ATF7IP: variants seen among roughly 807,000 people sequenced by gnomAD.
The protein encoded by ATF7IP is activating transcription factor 7-interacting protein 1.
A neutral mutation model predicts 106.4 loss-of-function variants in ATF7IP; 23 were observed. That is an observed-to-expected ratio of 0.22 (90% confidence interval 0.16 to 0.31). ATF7IP has a LOEUF of 0.31. Ranked by LOEUF, ATF7IP falls within the 10% of genes least tolerant of loss-of-function variation. The probability of loss-of-function intolerance (pLI) is 1.00; values close to 1 mark genes in which losing one functional copy is unlikely to be tolerated. For missense variants in ATF7IP, 1,334 were observed against 1,524.3 expected, an observed-to-expected ratio of 0.88 and a Z score of 2.08; for synonymous variants, 542 against 539.0, an observed-to-expected ratio of 1.01 and a Z score of -0.08.
At chr12:14,409,847 G>A (rs1217061067) in intron 1 of ATF7IP, among the ~76,000 whole-genome samples, 1 of 152,058 alleles carries the variant, frequency 6.6e-6, no homozygotes, top group African/African-American at 2.4e-5. Context: ...GTGTGACCCA[G>A]TAAAGGGGTT....
At chr12:14,495,566 A>G (rs10744064) in intron 13 of ATF7IP, among the ~76,000 whole-genome samples, 152,110 of 152,320 alleles carry the variant, frequency 1, 75,951 homozygotes, top group Non-Finnish European at 1. Context: ...AATGGCAGGA[A>G]TATAGTTAGG....
At chr12:14,419,844 A>G (rs1463507512) in intron 1 of ATF7IP, 4 of 152,154 alleles carry the variant, frequency 2.6e-5, no homozygotes, top group Non-Finnish European at 4.4e-5. Flanking sequence ...ATTTTTCTAA[A>G]TAGTTGATTT....
chr12:14,496,528 C>T (rs1481842283), intron 14 of ATF7IP, among the ~76,000 whole-genome samples, 185 bp downstream of exon 14: 1 of 152,134 alleles, frequency 6.6e-6, no homozygotes. Flanking sequence ...GGATGATGAT[C>T]ATTTAGAATC....
intron 1 of ATF7IP, among the ~76,000 whole-genome samples, chr12:14,373,987 G>A (rs1029985460): frequency 6.6e-6 from 1 of 151,752 alleles, no homozygotes; most frequent in African/African-American, 2.4e-5. Flanking sequence ...TAGATGAATC[G>A]AGTGACAATT....
intron 1 of ATF7IP, among the ~76,000 whole-genome samples, chr12:14,403,970 G>A (rs1002814638): frequency 2.0e-5 from 3 of 151,892 alleles, no homozygotes; most frequent in Admixed American, 1.3e-4. Context: ...AATTGAGATT[G>A]GAAAGAAAGG....
chr12:14,415,642 T>TA (rs1286451609), intron 1 of ATF7IP, among the ~76,000 whole-genome samples: 2 of 151,964 alleles, frequency 1.3e-5, no homozygotes, highest in Non-Finnish European at 2.9e-5. Flanking sequence ...CTTGATAACT[T>TA]ACTCAACTGA....
chr12:14,404,370 C>T (rs570739261), intron 1 of ATF7IP, among the ~76,000 whole-genome samples: 1 of 152,094 alleles, frequency 6.6e-6, no homozygotes, highest in East Asian at 1.9e-4. Context: ...AAAAATTGTC[C>T]TATAATCATG....
intron 1 of ATF7IP, among the ~76,000 whole-genome samples, chr12:14,423,603 T>C (rs1439404732): frequency 7.3e-6 from 1 of 136,506 alleles, no homozygotes; most frequent in Non-Finnish European, 1.6e-5. Context: ...TTTTTTACTT[T>C]ATCTACCTTT....
chr12:14,497,980 C>T lies in ATF7IP; in HGVS notation c.3720C>T (p.Tyr1240=), dbSNP rs760654791. ...AGTTTGTATCTGGTAGCAAATACTA[C>T]TTTGCAGTACGAGCCAAGGATATTT... The part of the protein sequence containing the change: ...LTQFVSGSKY[Y]FAVRAKDIYG... The change falls in exon 15 of 15, where the codon TAC becomes TAT. Residue 1240 remains tyrosine, a synonymous_variant. Coordinates refer to ENST00000261168, the MANE Select transcript of ATF7IP (RefSeq NM_018179.5). 3.7e-6 allele frequency: 6 copies of T among 1,614,052 alleles called. No homozygotes were observed. Among genetic ancestry groups the T allele is most frequent in the Non-Finnish European group, 5.1e-6 (6 of 1,180,004 alleles).
intron 13 of ATF7IP, among the ~76,000 whole-genome samples, chr12:14,493,267 G>C (rs1354162706): frequency 6.6e-6 from 1 of 152,180 alleles, no homozygotes; most frequent in Non-Finnish European, 1.5e-5. Context: ...CTGTTCTTCA[G>C]ATTTCTGTAT....
intron 1 of ATF7IP, among the ~76,000 whole-genome samples, chr12:14,375,488 C>G (rs1197003773): frequency 2.6e-5 from 4 of 151,988 alleles, no homozygotes; most frequent in Non-Finnish European, 5.9e-5. Flanking sequence ...GTATAATCCT[C>G]TTCCCCCACC....
chr12:14,470,434 C>A (rs1047380454), intron 10 of ATF7IP, among the ~76,000 whole-genome samples: 8 of 152,070 alleles, frequency 5.3e-5, no homozygotes, highest in Non-Finnish European at 1.2e-4. Flanking sequence ...AAAACATAAA[C>A]GTGTTTCTGA....
At chr12:14,387,267 G>A (rs752304184) in intron 1 of ATF7IP, among the ~76,000 whole-genome samples, 36 of 152,176 alleles carry the variant, frequency 2.4e-4, no homozygotes, top group Admixed American at 5.2e-4. Context: ...ATTCCTTTCA[G>A]TAAGGTTATC....
intron 11 of ATF7IP, among the ~76,000 whole-genome samples, chr12:14,477,882 A>T (rs78180954): frequency 6.6e-6 from 1 of 152,166 alleles, no homozygotes; most frequent in South Asian, 2.1e-4. Context: ...CTATATAGTG[A>T]TGATAAGCAA....
At chr12:14,494,321 A>ATG (rs1565559700) in intron 13 of ATF7IP, among the ~76,000 whole-genome samples, 4 of 92,912 alleles carry the variant, frequency 4.3e-5, no homozygotes, top group African/African-American at 2.1e-4. Flanking sequence ...ATATATATAT[A>ATG]TATATATATA....
intron 6 of ATF7IP, among the ~76,000 whole-genome samples, chr12:14,454,994 C>T (rs1322371464): frequency 1.3e-5 from 2 of 152,020 alleles, no homozygotes; most frequent in Non-Finnish European, 2.9e-5. Context: ...GCCTGGTCAA[C>T]ATGGCAAAAC....
intron 1 of ATF7IP, among the ~76,000 whole-genome samples, chr12:14,368,338 G>A (rs1938391977): frequency 6.6e-6 from 1 of 151,830 alleles, no homozygotes; most frequent in African/African-American, 2.4e-5. Flanking sequence ...TCTAAAATAT[G>A]TCTTTAAATG....
At chr12:14,384,570 T>C (rs994897593) in intron 1 of ATF7IP, among the ~76,000 whole-genome samples, 2 of 152,198 alleles carry the variant, frequency 1.3e-5, no homozygotes, top group Non-Finnish European at 2.9e-5. Context: ...CACCTGGGGA[T>C]GTTAATGTTT....
intron 6 of ATF7IP, among the ~76,000 whole-genome samples, chr12:14,449,389 A>G (rs1434029117): frequency 6.6e-6 from 1 of 152,084 alleles, no homozygotes; most frequent in Non-Finnish European, 1.5e-5. Flanking sequence ...CATTTATTAA[A>G]GAGGCTGTCC....
Sources: gnomAD v4.1 joint callset for allele counts (sites outside exome capture counted in the v4.1 genomes callset) on GRCh38, gnomAD v4.1.1 for gene constraint, MANE v1.5 for transcripts, NCBI Gene and HGNC (gene_info 2026-07-23, HGNC 2026-07-21) for gene names.